The following TNIK variants were observed in gnomAD, a reference collection of about 807,000 sequenced individuals.
The protein encoded by TNIK is TRAF2 and NCK-interacting protein kinase.
Under a neutral mutation model 191.3 loss-of-function variants are expected in TNIK, and 49 were observed. That is an observed-to-expected ratio of 0.26 (90% CI 0.20 to 0.32). TNIK has a LOEUF of 0.32. TNIK is among the 10% of genes least tolerant of loss of function. The probability of loss-of-function intolerance (pLI) is 1.00; values close to 1 mark genes in which losing one functional copy is unlikely to be tolerated. For missense variants in TNIK, 1,155 were observed against 1,702.3 expected, an observed-to-expected ratio of 0.68 and a Z score of 5.66; for synonymous variants, 594 against 600.9, an observed-to-expected ratio of 0.99 and a Z score of 0.17.
intron 8 of TNIK, 90 bp downstream of exon 8, chr3:171,177,236 G>C: frequency 7.2e-7 from 1 of 1,386,178 alleles, no homozygotes; most frequent in Admixed American, 2.2e-5. Flanking sequence ...CGGTGTAGTG[G>C]AAGTAAAGCA....
intron 2 of TNIK, among the ~76,000 whole-genome samples, chr3:171,313,704 A>C (rs909575963): frequency 6.6e-6 from 1 of 152,160 alleles, no homozygotes; most frequent in Non-Finnish European, 1.5e-5. Flanking sequence ...CAAGAGAAAA[A>C]ACACACAAGA....
chr3:171,102,760 A>G (rs545547790), intron 21 of TNIK, among the ~76,000 whole-genome samples: 2 of 152,198 alleles, frequency 1.3e-5, no homozygotes, highest in Non-Finnish European at 2.9e-5. Flanking sequence ...CTTTATTTCA[A>G]TCCAGAAATG....
At position 171,347,222 on chromosome 3, in the gene TNIK, A is replaced by AG. The variant is rs781782301; in HGVS notation, c.123+22397_123+22398insC. ...CCTTCACTCACTGGTTCATTTGCTG[A>AG]AAAAAAAAAAAAAAGAAAAGAAAAA... On this transcript the variant is annotated intron_variant, in intron 2 of 32. Coordinates refer to ENST00000436636, the MANE Select transcript of TNIK (RefSeq NM_015028.4). 80 of 443,302 alleles carry AG rather than the reference A, an allele frequency of 1.8e-4. No individual in the cohort carries two copies. The South Asian group carries it at 2.5e-3, about 14-fold the overall frequency. The allele number at this position is 443,302 out of a possible 1,614,324, so 27.5% of individuals were successfully genotyped here. A position where few individuals can be genotyped will look rare whatever the true frequency, so the allele number is the denominator to read the frequency against.
chr3:171,202,030 A>G (rs1739477378), intron 4 of TNIK, among the ~76,000 whole-genome samples: 1 of 152,198 alleles, frequency 6.6e-6, no homozygotes, highest in Non-Finnish European at 1.5e-5. Flanking sequence ...TTTAGCAACA[A>G]CAAGTCTGCC....
At chr3:171,415,059 C>T (rs547083366) in intron 1 of TNIK, among the ~76,000 whole-genome samples, 1 of 152,274 alleles carries the variant, frequency 6.6e-6, no homozygotes, top group South Asian at 2.1e-4. Flanking sequence ...TTACTGCCCT[C>T]CAGTTGCCCA....
intron 1 of TNIK, among the ~76,000 whole-genome samples, chr3:171,405,462 A>G (rs146256779): frequency 0.013 from 1,922 of 151,932 alleles, 15 homozygotes; most frequent in Non-Finnish European, 0.02. Context: ...TATTCTATTA[A>G]TAATATTTCT....
At chr3:171,161,728 C>G (rs1011608361) in intron 10 of TNIK, among the ~76,000 whole-genome samples, 3 of 151,612 alleles carry the variant, frequency 2.0e-5, no homozygotes, top group East Asian at 1.9e-4. Flanking sequence ...ACCATCCTGG[C>G]TAACATGGCA....
intron 2 of TNIK, among the ~76,000 whole-genome samples, chr3:171,340,707 C>T (rs1757424644): frequency 6.6e-6 from 1 of 152,124 alleles, no homozygotes. Context: ...ACCACAAATG[C>T]CTATGGAGCA....
chr3:171,264,103 CACACACACAT>C (rs750828365), intron 2 of TNIK, among the ~76,000 whole-genome samples: 252 of 76,354 alleles, frequency 3.3e-3, no homozygotes, highest in African/African-American at 8.5e-3. Flanking sequence ...CACACACACA[CACACACACAT>C]ATATATATAT....
In TNIK at chr3:171,287,882, G is replaced by A. The variant is rs141558157; in HGVS notation, c.124-59661C>T. On this transcript the variant is annotated intron_variant, in intron 2 of 32. Coordinates refer to ENST00000436636, the MANE Select transcript of TNIK (RefSeq NM_015028.4). Reference sequence around the variant, plus strand: ...ACACATGCACACGTATGTTTATTGCGGCATTATTCACAATAGCAAAGACTT... The same window carrying A: ...ACACATGCACACGTATGTTTATTGCAGCATTATTCACAATAGCAAAGACTT... Among the ~76,000 whole-genome samples the A allele has an allele frequency of 4.1e-3, 627 of 151,994 alleles. 2 individuals are homozygous for A. The highest frequency in any genetic ancestry group is 0.014 in the African/African-American group (568 of 41,392).
intron 26 of TNIK, 32 bp downstream of exon 26, chr3:171,084,123 T>TAAAAAAAAAA (rs371989911): frequency 8.4e-7 from 1 of 1,192,282 alleles, no homozygotes; most frequent in Non-Finnish European, 1.1e-6. Context: ...AGTGGTTATT[T>TAAAAAAAAAA]AAAAAAAAAA....
intron 1 of TNIK, among the ~76,000 whole-genome samples, chr3:171,390,326 C>T (rs1719305861): frequency 6.6e-6 from 1 of 152,138 alleles, no homozygotes; most frequent in Non-Finnish European, 1.5e-5. Flanking sequence ...TAATTACTGC[C>T]ACACCGTGTT....
rs142550236 is a variant in TNIK at position 171,441,061 on chromosome 3, C to T, written c.57+18946G>A. ...ATACGTAGAAAGCAGAAGATAGGAT[C>T]AGAGAACCCATCTATCTCTCCAGGT... On this transcript the variant is annotated intron_variant, in intron 1 of 32. Coordinates refer to ENST00000436636, the MANE Select transcript of TNIK (RefSeq NM_015028.4). Among the ~76,000 whole-genome samples the T allele has an allele frequency of 8.6e-3, 1,310 of 152,248 alleles. 13 individuals are homozygous for T. Among genetic ancestry groups the T allele is most frequent in the African/African-American group, 0.03 (1,231 of 41,524 alleles).
rs368932686 is a variant in TNIK, at chr3:171,120,297, C to T, written c.2120+3299G>A. Among the ~76,000 whole-genome samples, 48 of 151,608 alleles carry T rather than the reference C, an allele frequency of 3.2e-4. No homozygotes were observed. The South Asian group carries it at 7.9e-3, about 25-fold the overall frequency. On this transcript the variant is annotated intron_variant, in intron 18 of 32. Transcript: ENST00000436636. ...TGACCGTTTTTGCTTAACCGTTAGG[C>T]TCTGCCTTGTTTTTCTTTTTTCTTT...
At chr3:171,297,855 A>C (rs1461534870) in intron 2 of TNIK, among the ~76,000 whole-genome samples, 1 of 152,248 alleles carries the variant, frequency 6.6e-6, no homozygotes, top group Admixed American at 6.5e-5. Flanking sequence ...ATATAATGAC[A>C]GTTCTAATTA....
chr3:171,277,640 G>A (rs1407574925), intron 2 of TNIK, among the ~76,000 whole-genome samples: 3 of 152,142 alleles, frequency 2.0e-5, no homozygotes, highest in Non-Finnish European at 4.4e-5. Context: ...CCTGCTCAGT[G>A]CCTGTTTTTG....
intron 1 of TNIK, among the ~76,000 whole-genome samples, chr3:171,426,926 A>G (rs961719376): frequency 6.6e-6 from 1 of 152,162 alleles, no homozygotes. Context: ...TCATAAACAA[A>G]CCAATGAGCA....
chr3:171,247,269 G>A (rs1215456333), intron 2 of TNIK, among the ~76,000 whole-genome samples: 1 of 152,208 alleles, frequency 6.6e-6, no homozygotes, highest in East Asian at 1.9e-4. Context: ...CCTCTACCAA[G>A]ATTTGGAGAT....
chr3:171,318,932 A>T (rs1196457992), intron 2 of TNIK, among the ~76,000 whole-genome samples: 1 of 152,146 alleles, frequency 6.6e-6, no homozygotes, highest in African/African-American at 2.4e-5. Flanking sequence ...TGAGAGGCTA[A>T]GGTGGGAGGA....
Sources: allele counts gnomAD v4.1 joint callset (sites outside exome capture counted in the v4.1 genomes callset), GRCh38; gene constraint gnomAD v4.1.1; transcripts MANE v1.5; gene names NCBI Gene and HGNC (gene_info 2026-07-23, HGNC 2026-07-21).